Variants in AKAP10 observed in about 807,000 individuals in gnomAD.
AKAP10 encodes the protein A-kinase anchor protein 10, mitochondrial.
A neutral mutation model predicts 80.8 loss-of-function variants in AKAP10; 24 were observed. The observed-to-expected ratio is 0.30, with a 90% CI of 0.22 to 0.42. AKAP10 has a LOEUF of 0.42. Among genes scored for constraint, AKAP10 ranks in the 10% least tolerant of loss-of-function variants. The probability of loss-of-function intolerance (pLI) is 1.00; values close to 1 mark genes in which losing one functional copy is unlikely to be tolerated. For missense variants in AKAP10, 661 were observed against 794.9 expected (o/e 0.83, Z 2.03); for synonymous variants, 291 against 277.7 (o/e 1.05, Z -0.48).
At chr17:19,913,162 T>TC in intron 12 of AKAP10, among the ~76,000 whole-genome samples, 1 of 150,082 alleles carries the variant, frequency 6.7e-6, no homozygotes, top group East Asian at 1.9e-4. Context: ...TGTTTTTTTT[T>TC]TTTTTTTTTG....
chr17:19,956,688 C>T (rs1390136772), intron 4 of AKAP10, among the ~76,000 whole-genome samples: 1 of 152,100 alleles, frequency 6.6e-6, no homozygotes, highest in Non-Finnish European at 1.5e-5. Context: ...CCACTTCTCC[C>T]AGCTTACAGT....
intron 12 of AKAP10, among the ~76,000 whole-genome samples, chr17:19,917,079 A>G (rs1022622277): frequency 2.5e-4 from 38 of 151,926 alleles, no homozygotes; most frequent in African/African-American, 9.2e-4. Context: ...CCTGGCTGAC[A>G]TGGTGAAACC....
chr17:19,947,169 C>T (rs1265082988), intron 5 of AKAP10: 5 of 484,864 alleles, frequency 1.0e-5, no homozygotes, highest in East Asian at 7.7e-5. Flanking sequence ...AGCGGGCAGG[C>T]CTGAGCACCC....
At chr17:19,934,094 T>C (rs1389236849) in intron 9 of AKAP10, among the ~76,000 whole-genome samples, 1 of 151,978 alleles carries the variant, frequency 6.6e-6, no homozygotes, top group Non-Finnish European at 1.5e-5. Context: ...GCTAATTTTG[T>C]ATTTTTAGTA....
At chr17:19,930,586 T>C (rs2042921422) in intron 10 of AKAP10, among the ~76,000 whole-genome samples, 1 of 151,468 alleles carries the variant, frequency 6.6e-6, no homozygotes, top group Non-Finnish European at 1.5e-5. Flanking sequence ...AGTTTGAGAC[T>C]ACCCTGGCCA....
In AKAP10 at chr17:19,968,402, G is replaced by T. The variant is rs1461426525; in HGVS notation, c.136+12C>A. Reference sequence around the variant, plus strand: ...CTTTTTAATGCAGTGGACTGCCAAGGGCAGAACTTACCTTTAATGGACTTC... The same window carrying T: ...CTTTTTAATGCAGTGGACTGCCAAGTGCAGAACTTACCTTTAATGGACTTC... On this transcript the variant is annotated intron_variant, in intron 2 of 14. Coordinates refer to ENST00000225737, the MANE Select transcript of AKAP10 (RefSeq NM_007202.4). The T allele has an allele frequency of 3.1e-6, 5 of 1,611,412 alleles. No individual in the cohort carries two copies. The South Asian group carries it at 5.5e-5, about 18-fold the overall frequency.
At chr17:19,915,698 T>C (rs1054396723) in intron 12 of AKAP10, among the ~76,000 whole-genome samples, 2 of 152,178 alleles carry the variant, frequency 1.3e-5, no homozygotes, top group Non-Finnish European at 2.9e-5. Context: ...TATAATCTTT[T>C]TGCCTCTACC....
At chr17:19,952,761 A>G (rs941379464) in intron 4 of AKAP10, among the ~76,000 whole-genome samples, 1 of 152,158 alleles carries the variant, frequency 6.6e-6, no homozygotes, top group Non-Finnish European at 1.5e-5. Flanking sequence ...ACCTAACAAC[A>G]GAGCCTCAAA....
intron 4 of AKAP10, among the ~76,000 whole-genome samples, chr17:19,953,857 C>A (rs1252598002): frequency 1.3e-5 from 2 of 152,084 alleles, no homozygotes; most frequent in Admixed American, 1.3e-4. Flanking sequence ...CATGGTGAAA[C>A]CCTGTCTGCA....
intron 4 of AKAP10, among the ~76,000 whole-genome samples, chr17:19,948,562 G>A (rs169412): frequency 6.6e-6 from 1 of 151,748 alleles, no homozygotes; most frequent in Non-Finnish European, 1.5e-5. Context: ...AGAAGAAGTC[G>A]TGGCCACAGA....
intron 4 of AKAP10, among the ~76,000 whole-genome samples, chr17:19,948,750 T>C (rs2043165288): frequency 6.6e-6 from 1 of 152,092 alleles, no homozygotes; most frequent in Non-Finnish European, 1.5e-5. Context: ...CCGGGGCCAC[T>C]CGTGAGCTGG....
intron 8 of AKAP10, 112 bp from the exon 9 acceptor site, chr17:19,936,542 C>G: frequency 9.5e-7 from 1 of 1,057,138 alleles, no homozygotes; most frequent in Non-Finnish European, 1.3e-6. Context: ...GCCTGCAGGC[C>G]TAGAACTATA....
chr17:19,970,552 G>A (rs1375196321), intron 1 of AKAP10, among the ~76,000 whole-genome samples: 1 of 152,170 alleles, frequency 6.6e-6, no homozygotes, highest in Non-Finnish European at 1.5e-5. Flanking sequence ...GCCAAGCGCA[G>A]TGGCTCACAC....
intron 10 of AKAP10, chr17:19,929,673 T>C (rs547940897): frequency 6.6e-6 from 1 of 152,188 alleles, no homozygotes; most frequent in African/African-American, 2.4e-5. Flanking sequence ...CTTTCTTAAG[T>C]GCCTAATCAA....
chr17:19,975,380 C>T (rs2043551624), intron 1 of AKAP10, among the ~76,000 whole-genome samples: 1 of 152,152 alleles, frequency 6.6e-6, no homozygotes, highest in South Asian at 2.1e-4. Flanking sequence ...CCAACACTTG[C>T]CTACATCTAT....
Position 19,977,709 on chromosome 17 carries a change from G to T in AKAP10, c.-30C>A. On this transcript the variant is annotated 5_prime_UTR_variant, in exon 1 of 15. The change creates a new upstream start codon in the 5' untranslated region. Coordinates refer to ENST00000225737, the MANE Select transcript of AKAP10 (RefSeq NM_007202.4). Reference sequence around the variant, plus strand: ...CAACCGGCCCGGACTTCCGGGTCCAGAGGGGCCGCTGCACTAGCGCGAAAA... The same window carrying T: ...CAACCGGCCCGGACTTCCGGGTCCATAGGGGCCGCTGCACTAGCGCGAAAA... The T allele has an allele frequency of 8.2e-7, 1 of 1,214,836 alleles. No individual in the cohort carries two copies. 75.3% of individuals were successfully genotyped at this position (1,214,836 alleles called of 1,614,324 possible).
intron 11 of AKAP10, among the ~76,000 whole-genome samples, chr17:19,921,017 A>G (rs1275294049): frequency 2.6e-5 from 4 of 151,764 alleles, no homozygotes; most frequent in African/African-American, 9.7e-5. Context: ...AATTTTAACA[A>G]GTCACTAATA....
chr17:19,973,086 T>A (rs2043520172), intron 1 of AKAP10, among the ~76,000 whole-genome samples: 2 of 152,164 alleles, frequency 1.3e-5, no homozygotes, highest in African/African-American at 4.8e-5. Context: ...TTCAAGTGAT[T>A]CTTGTGTCTT....
At chr17:19,937,682 A>G (rs2043006866) in intron 8 of AKAP10, among the ~76,000 whole-genome samples, 1 of 152,180 alleles carries the variant, frequency 6.6e-6, no homozygotes, top group South Asian at 2.1e-4. Flanking sequence ...CATCTATATA[A>G]CAATGTTTCT....
Sources: gnomAD v4.1 joint callset for allele counts (sites outside exome capture counted in the v4.1 genomes callset) on GRCh38, gnomAD v4.1.1 for gene constraint, MANE v1.5 for transcripts, NCBI Gene and HGNC (gene_info 2026-07-23, HGNC 2026-07-21) for gene names.